DCAF15: variants seen among roughly 807,000 people sequenced by gnomAD.
DCAF15 encodes DDB1 and CUL4 associated factor 15, also known as DDB1- and CUL4-associated factor 15.
A neutral mutation model predicts 68.0 loss-of-function variants in DCAF15; 24 were observed. The ratio of observed to expected loss-of-function variants is 0.35; its 90% CI spans 0.26 to 0.50. DCAF15 has a LOEUF of 0.50. DCAF15 is among the 20% of genes least tolerant of loss of function. The pLI, the probability that DCAF15 is intolerant of heterozygous loss-of-function variation, is 0.98. For missense variants in DCAF15, 627 were observed against 830.6 expected, an observed-to-expected ratio of 0.75 and a Z score of 3.01; for synonymous variants, 376 against 341.6, an observed-to-expected ratio of 1.10 and a Z score of -1.11.
chr19:13,955,347 C>A (rs1039168078), intron 3 of DCAF15, among the ~76,000 whole-genome samples: 11 of 151,990 alleles, frequency 7.2e-5, no homozygotes, highest in African/African-American at 2.7e-4. Flanking sequence ...TTAGAACCTG[C>A]GAGGTGGAGG....
At position 13,961,379 on chromosome 19, in the gene DCAF15, C is replaced by T. The variant is rs886223283; in HGVS notation, c.*384C>T. ...CCCTGCCCGCCCCCAGCCTCCCCAC[C>T]CAGGCCGGCAACCTGGCCATCCCCA... On this transcript the variant is annotated 3_prime_UTR_variant, in exon 13 of 13. Transcript: ENST00000254337. The T allele has an allele frequency of 2.4e-5, 6 of 249,446 alleles. No individual in the cohort carries two copies. The highest frequency in any genetic ancestry group is 4.4e-5 in the African/African-American group (2 of 45,636). The allele number at this position is 249,446 out of a possible 1,614,324, so 15.5% of individuals were successfully genotyped here. A position where few individuals can be genotyped will look rare whatever the true frequency, so the allele number is the denominator to read the frequency against.
chr19:13,952,673 C>A, intron 1 of DCAF15, 29 bp downstream of exon 1: 1 of 1,145,346 alleles, frequency 8.7e-7, no homozygotes. Flanking sequence ...GTGGGGAGCG[C>A]GCCGGAGGGT....
At chr19:13,960,731 G>A in intron 12 of DCAF15, 151 bp downstream of exon 12, 1 of 1,006,212 alleles carries the variant, frequency 9.9e-7, no homozygotes, top group Middle Eastern at 3.2e-4. Context: ...CTGAAAGTGT[G>A]GGGCCTGGGA....
rs2145500814 is a variant in DCAF15, at chr19:13,959,150, G to C, written c.890G>C (p.Ser297Thr). 1 of 1,612,524 alleles carries C rather than the reference G, an allele frequency of 6.2e-7. No individual in the cohort carries two copies. Among genetic ancestry groups the C allele is most frequent in the Non-Finnish European group, 8.5e-7 (1 of 1,179,842 alleles). Residue 297 changes from serine to threonine, a missense_variant, in exon 7 of 13, where the codon AGC becomes ACC. Ser to Thr is a moderately conservative substitution (Grantham distance 58). Around this residue, in one of 3 missense-constraint regions of DCAF15, gnomAD observed 236 missense variants for 225.1 expected, o/e 1.05. Coordinates refer to ENST00000254337, the MANE Select transcript of DCAF15 (RefSeq NM_138353.4). ...QSPELPPALP[S>T]FCPEAAPARS... ...CCAGAGCTGCCCCCTGCCCTCCCCA[G>C]CTTCTGCCCTGAGGCGGCCCCAGCC...
At chr19:13,952,817 C>A (rs1973128034) in intron 1 of DCAF15, among the ~76,000 whole-genome samples, 173 bp downstream of exon 1, 3 of 117,390 alleles carry the variant, frequency 2.6e-5, no homozygotes, top group African/African-American at 1.0e-4. Context: ...ATGGAGGGGG[C>A]TCAGTTGGGG....
chr19:13,953,147 G>T (rs1973162510), intron 1 of DCAF15: 3 of 1,547,166 alleles, frequency 1.9e-6, no homozygotes, highest in African/African-American at 2.7e-5. Context: ...TGAAAGTGTG[G>T]GAGCTCCCTG....
intron 1 of DCAF15, chr19:13,953,244 G>T: frequency 9.2e-7 from 1 of 1,086,536 alleles, no homozygotes. Context: ...CAGAGCTGGG[G>T]GATGATGTCT....
At chr19:13,958,922 T>C in intron 6 of DCAF15, 123 bp from the exon 7 acceptor site, 1 of 1,232,334 alleles carries the variant, frequency 8.1e-7, no homozygotes, top group Non-Finnish European at 1.1e-6. Flanking sequence ...TTCAAACTGA[T>C]CTCAGCATAG....
intron 1 of DCAF15, 102 bp from the exon 2 acceptor site, chr19:13,954,238 G>T: frequency 1.0e-6 from 1 of 958,442 alleles, no homozygotes; most frequent in East Asian, 2.5e-5. Context: ...GGTGGGCTGG[G>T]CCGGTCTGGA....
In DCAF15 at chr19:13,954,311, C is replaced by T; in HGVS notation, c.133-29C>T. Reference sequence around the variant, plus strand: ...GGGGGCTGGGGGCTGCAGATGGTGCCTGAAGTGCCCTGGCCACCCCTTCCC... The same window carrying T: ...GGGGGCTGGGGGCTGCAGATGGTGCTTGAAGTGCCCTGGCCACCCCTTCCC... On this transcript the variant is annotated intron_variant, in intron 1 of 12. Coordinates refer to ENST00000254337, the MANE Select transcript of DCAF15 (RefSeq NM_138353.4). 3 of 1,601,582 alleles carry T rather than the reference C, an allele frequency of 1.9e-6. 1 individual carries two copies.
rs1322531823 is a variant in DCAF15 at position 13,956,270 on chromosome 19, G to T, written c.613+8G>T. 6.2e-7 allele frequency: 1 copy of T among 1,611,928 alleles called. No individual in the cohort carries two copies. Among genetic ancestry groups the T allele is most frequent in the Non-Finnish European group, 8.5e-7 (1 of 1,179,454 alleles). ...CCAGCCGAGCCCACCCAGGTGAGGG[G>T]GCCGAGGGGGCGAGGGCCTCTTCCC... is the stretch of plus-strand genomic sequence containing the variant. On this transcript the variant is annotated splice_region_variant and intron_variant, in intron 5 of 12. Coordinates refer to ENST00000254337, the MANE Select transcript of DCAF15 (RefSeq NM_138353.4).
chr19:13,953,294 G>A, intron 1 of DCAF15: 1 of 662,494 alleles, frequency 1.5e-6, no homozygotes, highest in Non-Finnish European at 2.5e-6. Context: ...GGGCAGAAAT[G>A]TGGATCTCTT....
chr19:13,959,737 C>T lies in DCAF15; in HGVS notation c.1312-30C>T, dbSNP rs373951546. 6.6e-5 allele frequency: 107 copies of T among 1,612,980 alleles called. No individual in the cohort carries two copies. The African/African-American group carries it at 9.7e-4, about 15-fold the overall frequency. ...GGAGCTGCCGGGGGGCAGTTGGCAC[C>T]GTCCCCTGCGCCTACCCACTCACCC... is the stretch of plus-strand genomic sequence containing the variant. On this transcript the variant is annotated intron_variant, in intron 8 of 12. Transcript: ENST00000254337.
At chr19:13,955,393 T>C (rs529070103) in intron 3 of DCAF15, among the ~76,000 whole-genome samples, 2 of 152,182 alleles carry the variant, frequency 1.3e-5, no homozygotes, top group East Asian at 1.9e-4. Flanking sequence ...TGCACTCCAG[T>C]CTACAGAGCA....
intron 3 of DCAF15, among the ~76,000 whole-genome samples, chr19:13,955,044 T>A (rs767599807): frequency 2.6e-5 from 4 of 152,072 alleles, no homozygotes; most frequent in Non-Finnish European, 5.9e-5. Context: ...AGTTTGAGGC[T>A]GCAGTGAGCC....
In DCAF15 at chr19:13,954,419, A is replaced by T; in HGVS notation, c.212A>T (p.Glu71Val). 6.3e-7 allele frequency: 1 copy of T among 1,593,302 alleles called. No individual in the cohort carries two copies. ...GTGTCCCTCAAGAACATTGTGGATG[A>T]GGACTTCCTCTATGCAGGGTGAGGC... ...VCVSLKNIVD[E>V]DFLYAGHIFL... is the part of the protein sequence containing the mutation. The change falls in exon 2 of 13, where the codon GAG becomes GTG. Residue 71 changes from glutamate to valine, a missense_variant. This residue lies in a region of DCAF15 where 273 missense variants were observed against 393.7 expected (regional missense o/e 0.69). Coordinates refer to ENST00000254337, the MANE Select transcript of DCAF15 (RefSeq NM_138353.4).
At chr19:13,958,743 C>T (rs1019309146) in intron 6 of DCAF15, among the ~76,000 whole-genome samples, 5 of 152,132 alleles carry the variant, frequency 3.3e-5, no homozygotes, top group South Asian at 2.1e-4. Flanking sequence ...GAACACTCTA[C>T]GCTGTAGAGT....
rs1419933430 is a variant in DCAF15 at position 13,954,508 on chromosome 19, C to T, written c.231-18C>T. On this transcript the variant is annotated intron_variant, in intron 2 of 12. Coordinates refer to ENST00000254337, the MANE Select transcript of DCAF15 (RefSeq NM_138353.4). ...GGCTCGCCCTGACCTGGCCGCTGTG[C>T]CCCCTCCACCCCCACAGACATATCT... 1.2e-6 allele frequency: 2 copies of T among 1,613,930 alleles called. No individual in the cohort carries two copies. The highest frequency in any genetic ancestry group is 1.7e-5 in the Admixed American group (1 of 59,994).
rs562541540 is a variant in DCAF15 at position 13,958,918 on chromosome 19, C to T, written c.785-127C>T. 2.1e-5 allele frequency: 25 copies of T among 1,200,650 alleles called. No homozygotes were observed. In the South Asian group the frequency reaches 3.5e-4, roughly 17 times the overall value. The allele number at this position is 1,200,650 out of a possible 1,614,324, so 74.4% of individuals were successfully genotyped here. A position where few individuals can be genotyped will look rare whatever the true frequency, so the allele number is the denominator to read the frequency against. On this transcript the variant is annotated intron_variant, in intron 6 of 12. Transcript: ENST00000254337. ...TCTTTCCCCTTTTGGGTGTTTCAAA[C>T]TGATCTCAGCATAGCCAAGTCTCCT... is the stretch of plus-strand genomic sequence containing the variant.
Sources: allele counts gnomAD v4.1 joint callset (sites outside exome capture counted in the v4.1 genomes callset), GRCh38; gene constraint gnomAD v4.1.1; regional missense constraint gnomAD v4.1.1; transcripts MANE v1.5; gene names NCBI Gene and HGNC (gene_info 2026-07-23, HGNC 2026-07-21).